Variants in TNKS observed in about 807,000 individuals in gnomAD.
TNKS encodes the protein poly [ADP-ribose] polymerase tankyrase-1.
TNKS carries 72 observed loss-of-function variants against 135.8 expected under a neutral mutation model. That is an observed-to-expected ratio of 0.53 (90% CI 0.44 to 0.64). The LOEUF is 0.64. Ranked by LOEUF, TNKS falls within the 30% of genes least tolerant of loss-of-function variation. The pLI is 0.00. For missense variants in TNKS, 1,769 were observed against 1,674.0 expected (o/e 1.06, Z -0.99); for synonymous variants, 849 against 649.3 (o/e 1.31, Z -4.68).
chr8:9,657,873 C>A (rs1390094321), intron 3 of TNKS, among the ~76,000 whole-genome samples: 42 of 144,930 alleles, frequency 2.9e-4, no homozygotes, highest in African/African-American at 9.1e-4. Context: ...AGGGGCTCCT[C>A]ACTTCTCAGA....
chr8:9,753,713 T>A (rs951553685), intron 20 of TNKS, among the ~76,000 whole-genome samples: 1 of 152,178 alleles, frequency 6.6e-6, no homozygotes, highest in Non-Finnish European at 1.5e-5. Context: ...CCTTGTATAA[T>A]AACACCCATG....
At chr8:9,757,248 T>G (rs1806887379) in intron 20 of TNKS, among the ~76,000 whole-genome samples, 1 of 152,186 alleles carries the variant, frequency 6.6e-6, no homozygotes, top group African/African-American at 2.4e-5. Flanking sequence ...GTGCTGAGAT[T>G]ACAGGCATGA....
intron 5 of TNKS, among the ~76,000 whole-genome samples, chr8:9,692,522 A>G (rs575673116): frequency 5.3e-5 from 8 of 152,224 alleles, no homozygotes; most frequent in Non-Finnish European, 7.3e-5. Context: ...TGATGAGACT[A>G]TATCTGTCGT....
intron 5 of TNKS, among the ~76,000 whole-genome samples, chr8:9,688,027 C>G (rs1803088828): frequency 6.6e-6 from 1 of 152,186 alleles, no homozygotes; most frequent in Non-Finnish European, 1.5e-5. Context: ...AAGAAACACA[C>G]AAGACAGCTT....
At chr8:9,567,101 G>A (rs1423487113) in intron 1 of TNKS, among the ~76,000 whole-genome samples, 4 of 152,184 alleles carry the variant, frequency 2.6e-5, no homozygotes, top group Admixed American at 1.3e-4. Context: ...GCTTTCTCAA[G>A]TTGGTTTTCT....
At chr8:9,722,778 T>C (rs1293002024) in intron 12 of TNKS, among the ~76,000 whole-genome samples, 1 of 152,156 alleles carries the variant, frequency 6.6e-6, no homozygotes, top group African/African-American at 2.4e-5. Context: ...GTTTTAACCA[T>C]AAGTCAGGCA....
chr8:9,624,483 C>T (rs909415092), intron 3 of TNKS, among the ~76,000 whole-genome samples: 1 of 152,112 alleles, frequency 6.6e-6, no homozygotes, highest in African/African-American at 2.4e-5. Flanking sequence ...AAAGAAGTCC[C>T]TTGTACCCTT....
rs550797346 is a variant in TNKS, at chr8:9,641,028, A to G, written c.994+25351A>G. Among the ~76,000 whole-genome samples, 9 of 146,008 alleles carry G rather than the reference A, an allele frequency of 6.2e-5. 1 individual carries two copies. In the South Asian group the frequency reaches 2.0e-3, roughly 32 times the overall value. On this transcript the variant is annotated intron_variant, in intron 3 of 26. Transcript: ENST00000310430. ...TCCCAACCAAAGCCCAAACGCTTTA[A>G]TAGATTATTTCTAACACCCATTTAA...
intron 12 of TNKS, among the ~76,000 whole-genome samples, chr8:9,725,076 T>G (rs1405909367): frequency 6.6e-6 from 1 of 152,222 alleles, no homozygotes; most frequent in Non-Finnish European, 1.5e-5. Flanking sequence ...ATCACTGTCA[T>G]AGAGACATAA....
chr8:9,679,834 G>A, intron 3 of TNKS, 117 bp from the exon 4 acceptor site: 7 of 781,766 alleles, frequency 9.0e-6, no homozygotes, highest in South Asian at 3.4e-5. Flanking sequence ...ATCACCCAGC[G>A]GGGTGTGGAC....
At chr8:9,561,438 C>T (rs1179200945) in intron 1 of TNKS, among the ~76,000 whole-genome samples, 1 of 152,108 alleles carries the variant, frequency 6.6e-6, no homozygotes, top group Non-Finnish European at 1.5e-5. Flanking sequence ...TAAGAGTTGC[C>T]TGTTTTAGAA....
chr8:9,718,229 C>G (rs924188939), intron 11 of TNKS, among the ~76,000 whole-genome samples: 1 of 149,232 alleles, frequency 6.7e-6, no homozygotes, highest in East Asian at 1.9e-4. Context: ...CAGTGTCACT[C>G]TAGCTAAAGA....
chr8:9,771,281 GAGGAAGGGAGGGAGGAGAGAGGA>G (rs1339691261), intron 26 of TNKS, among the ~76,000 whole-genome samples: 6 of 137,118 alleles, frequency 4.4e-5, no homozygotes, highest in Non-Finnish European at 7.9e-5. Context: ...AAGAGAGAGC[GAGGAAGGGAGGGAGGAGAGAGGA>G]AGGAAGGAAG....
At chr8:9,569,614 A>G (rs1412629872) in intron 1 of TNKS, among the ~76,000 whole-genome samples, 1 of 152,204 alleles carries the variant, frequency 6.6e-6, no homozygotes, top group Non-Finnish European at 1.5e-5. Flanking sequence ...TGTGTGTTCT[A>G]TTATGAATAG....
At position 9,559,852 on chromosome 8, in the gene TNKS, T is replaced by C. The variant is rs569963772; in HGVS notation, c.673+3240T>C. ...TGTATCCTATCTTGGATTGTGATAA[T>C]TTGTTTAGAATATGGTTTAGAGACT... is the stretch of plus-strand genomic sequence containing the variant. On this transcript the variant is annotated intron_variant, in intron 1 of 26. Coordinates refer to ENST00000310430, the MANE Select transcript of TNKS (RefSeq NM_003747.3). Among the ~76,000 whole-genome samples, 82 of 152,318 alleles carry C rather than the reference T, an allele frequency of 5.4e-4. 1 individual carries two copies. The highest frequency in any genetic ancestry group is 3.4e-3 in the Middle Eastern group (1 of 294).
rs1463625180 is a variant in TNKS at position 9,781,226 on chromosome 8, C to A, written c.*4490C>A. 6.6e-6 allele frequency: 1 copy of A among 152,182 alleles called. No individual in the cohort carries two copies. Among genetic ancestry groups the A allele is most frequent in the Non-Finnish European group, 1.5e-5 (1 of 68,044 alleles). The allele number at this position is 152,182 out of a possible 1,614,324, so 9.4% of individuals were successfully genotyped here. On this transcript the variant is annotated 3_prime_UTR_variant, in exon 27 of 27. Coordinates refer to ENST00000310430, the MANE Select transcript of TNKS (RefSeq NM_003747.3). ...TTTACACTTCACGTCTTCGCACCTGCCCTACCTCCCATCCTTTCAAAGAGG... is the reference window on the plus strand; with the variant it reads ...TTTACACTTCACGTCTTCGCACCTGACCTACCTCCCATCCTTTCAAAGAGG...
intron 3 of TNKS, among the ~76,000 whole-genome samples, chr8:9,676,909 T>C (rs1322995661): frequency 6.6e-6 from 1 of 152,232 alleles, no homozygotes; most frequent in Admixed American, 6.5e-5. Flanking sequence ...CCTAGTTTCC[T>C]TTCTGGCTGA....
rs1385210803 is a variant in TNKS, at chr8:9,556,140, G to A, written c.201G>A (p.Glu67=). The A allele has an allele frequency of 6.2e-7, 1 of 1,607,340 alleles. No individual in the cohort carries two copies. The highest frequency in any genetic ancestry group is 8.5e-7 in the Non-Finnish European group (1 of 1,176,670). ...ASPRHGLALP[E]GDGSRDPPDR... is the part of the protein sequence containing the mutation. ...CGCGGCACGGCCTAGCGCTGCCGGA[G>A]GGGGATGGCAGTCGGGATCCGCCCG... Residue 67 remains glutamate (E), a synonymous_variant, in exon 1 of 27, where the codon GAG becomes GAA. Coordinates refer to ENST00000310430, the MANE Select transcript of TNKS (RefSeq NM_003747.3).
chr8:9,671,457 C>G (rs768484643), intron 3 of TNKS, among the ~76,000 whole-genome samples: 1 of 152,140 alleles, frequency 6.6e-6, no homozygotes, highest in Non-Finnish European at 1.5e-5. Flanking sequence ...TGTCCAACAA[C>G]ATGGACGAAA....
Sources: allele counts gnomAD v4.1 joint callset (sites outside exome capture counted in the v4.1 genomes callset), GRCh38; gene constraint gnomAD v4.1.1; transcripts MANE v1.5; gene names NCBI Gene and HGNC (gene_info 2026-07-23, HGNC 2026-07-21).